Variants in QTMAN observed in about 807,000 individuals in gnomAD.
QTMAN encodes the protein tRNA-queuosine alpha-mannosyltransferase.
the QTMAN span, among the ~76,000 whole-genome samples, chr2:144,102,948 A>G: frequency 2.6e-5 from 4 of 152,158 alleles, no homozygotes; most frequent in Non-Finnish European, 4.4e-5. Context: ...ATCTCTCCAT[A>G]TCTGTCCCTC....
At chr2:144,062,489 C>T in the QTMAN span, among the ~76,000 whole-genome samples, 4 of 152,164 alleles carry the variant, frequency 2.6e-5, no homozygotes, top group East Asian at 3.9e-4. Context: ...TGAATAAATA[C>T]ATGAGAAGCT....
chr2:144,307,460 A>G, the QTMAN span, among the ~76,000 whole-genome samples: 1 of 152,224 alleles, frequency 6.6e-6, no homozygotes, highest in Non-Finnish European at 1.5e-5. Context: ...TAGTCTGTGC[A>G]ATGTAAACAG....
At chr2:144,037,178 T>G in the QTMAN span, among the ~76,000 whole-genome samples, 1 of 152,196 alleles carries the variant, frequency 6.6e-6, no homozygotes, top group Non-Finnish European at 1.5e-5. Context: ...TATTTTATGT[T>G]TTAGAACTAA....
the QTMAN span, among the ~76,000 whole-genome samples, chr2:144,268,978 G>A: frequency 6.6e-6 from 1 of 152,024 alleles, no homozygotes; most frequent in Admixed American, 6.5e-5. Flanking sequence ...TTGTAGAGAT[G>A]AGGTTTCATC....
At chr2:144,204,110 C>T in the QTMAN span, among the ~76,000 whole-genome samples, 1 of 152,038 alleles carries the variant, frequency 6.6e-6, no homozygotes, top group South Asian at 2.1e-4. Flanking sequence ...TCTAAAACAC[C>T]AAAAGCAATG....
the QTMAN span, among the ~76,000 whole-genome samples, chr2:144,154,614 T>G: frequency 6.6e-6 from 1 of 152,198 alleles, no homozygotes; most frequent in East Asian, 1.9e-4. Flanking sequence ...TTGATTTAAA[T>G]AAAGAACTTG....
chr2:144,156,560 T>C, the QTMAN span, among the ~76,000 whole-genome samples: 1 of 152,086 alleles, frequency 6.6e-6, no homozygotes, highest in Non-Finnish European at 1.5e-5. Context: ...AATTCTCATT[T>C]TAATATTAAT....
the QTMAN span, among the ~76,000 whole-genome samples, chr2:144,176,049 G>A: frequency 6.6e-6 from 1 of 152,080 alleles, no homozygotes; most frequent in African/African-American, 2.4e-5. Flanking sequence ...TATAAAGTAA[G>A]TATAACAAGA....
the QTMAN span, among the ~76,000 whole-genome samples, chr2:144,240,939 T>C: frequency 6.6e-6 from 1 of 152,212 alleles, no homozygotes; most frequent in Non-Finnish European, 1.5e-5. Context: ...CTTCCTACCC[T>C]GGCTGCACGT....
At chr2:144,110,853 T>G in the QTMAN span, among the ~76,000 whole-genome samples, 1 of 152,318 alleles carries the variant, frequency 6.6e-6, no homozygotes, top group Non-Finnish European at 1.5e-5. Flanking sequence ...GACACTTGCC[T>G]GCAGTCTCCC....
At chr2:144,034,494 T>G in the QTMAN span, among the ~76,000 whole-genome samples, 1 of 152,220 alleles carries the variant, frequency 6.6e-6, no homozygotes, top group African/African-American at 2.4e-5. Flanking sequence ...TTAGACACGT[T>G]AGTGTCTTAG....
At chr2:144,023,075 G>C in the QTMAN span, among the ~76,000 whole-genome samples, 1 of 152,020 alleles carries the variant, frequency 6.6e-6, no homozygotes, top group Non-Finnish European at 1.5e-5. Flanking sequence ...AAGTTCGTGA[G>C]AATCTAATCC....
the QTMAN span, among the ~76,000 whole-genome samples, chr2:144,287,150 G>C: frequency 6.6e-6 from 1 of 152,124 alleles, no homozygotes; most frequent in African/African-American, 2.4e-5. Flanking sequence ...TGATAAAATG[G>C]TATTGGCCGG....
the QTMAN span, among the ~76,000 whole-genome samples, chr2:144,296,156 A>G: frequency 9.8e-5 from 15 of 152,306 alleles, no homozygotes; most frequent in East Asian, 2.7e-3. Context: ...GGTCATATAA[A>G]CTATTTCCAC....
At chr2:144,117,932 A>G in the QTMAN span, among the ~76,000 whole-genome samples, 1 of 151,502 alleles carries the variant, frequency 6.6e-6, no homozygotes, top group South Asian at 2.1e-4. Flanking sequence ...TATAAGCTCC[A>G]CCTCCTGGGT....
At chr2:143,986,557 G>C in the QTMAN span, among the ~76,000 whole-genome samples, 1 of 152,188 alleles carries the variant, frequency 6.6e-6, no homozygotes, top group African/African-American at 2.4e-5. Context: ...CTTTCAGTCT[G>C]GAGCCTTTTC....
the QTMAN span, chr2:143,943,583 T>G: frequency 1.3e-5 from 2 of 152,246 alleles, no homozygotes; most frequent in African/African-American, 2.4e-5. Flanking sequence ...AAACAGATTT[T>G]ACTTTTAAAA....
the QTMAN span, among the ~76,000 whole-genome samples, chr2:144,126,847 A>G: frequency 1.3e-5 from 2 of 152,020 alleles, no homozygotes; most frequent in Non-Finnish European, 1.5e-5. Context: ...CCTAAGGACT[A>G]TATTTTTGAA....
At chr2:144,193,628 G>A in the QTMAN span, among the ~76,000 whole-genome samples, 4 of 151,520 alleles carry the variant, frequency 2.6e-5, no homozygotes, top group Admixed American at 6.6e-5. Context: ...TCAAGTGATC[G>A]TCCCACCACA....
Sources: allele counts gnomAD v4.1 joint callset (sites outside exome capture counted in the v4.1 genomes callset), GRCh38; gene constraint gnomAD v4.1.1; transcripts MANE v1.5; gene names NCBI Gene and HGNC (gene_info 2026-07-23, HGNC 2026-07-21).